The following LRFN2 variants were observed in gnomAD, a reference collection of about 807,000 sequenced individuals.
LRFN2 encodes leucine rich repeat and fibronectin type III domain containing 2.
A neutral mutation model predicts 37.3 loss-of-function variants in LRFN2; 18 were observed. The ratio of observed to expected loss-of-function variants is 0.48; its 90% CI spans 0.33 to 0.72. The LOEUF is 0.72. Ranked by LOEUF, LRFN2 falls within the 30% of genes least tolerant of loss-of-function variation. The probability of loss-of-function intolerance (pLI) is 0.02; values close to 1 mark genes in which losing one functional copy is unlikely to be tolerated. For missense variants in LRFN2, 1,006 were observed against 1,060.7 expected (o/e 0.95, Z 0.72); for synonymous variants, 556 against 466.6 (o/e 1.19, Z -2.47).
At chr6:40,469,026 T>A (rs957736655) in intron 1 of LRFN2, among the ~76,000 whole-genome samples, 1 of 152,120 alleles carries the variant, frequency 6.6e-6, no homozygotes, top group African/African-American at 2.4e-5. Context: ...AAAGGGTATT[T>A]CCAGATGTAA....
intron 1 of LRFN2, among the ~76,000 whole-genome samples, chr6:40,496,548 C>T (rs1765232813): frequency 6.6e-6 from 1 of 151,940 alleles, no homozygotes; most frequent in Middle Eastern, 3.2e-3. Context: ...ATTAGTCCTC[C>T]TGCTTGGACC....
At chr6:40,555,592 G>C (rs1766860099) in intron 1 of LRFN2, among the ~76,000 whole-genome samples, 1 of 152,132 alleles carries the variant, frequency 6.6e-6, no homozygotes, top group African/African-American at 2.4e-5. Flanking sequence ...TCCTGGAATT[G>C]TGAGATAATT....
intron 2 of LRFN2, among the ~76,000 whole-genome samples, chr6:40,430,233 TC>T (rs1288488048): frequency 6.6e-6 from 1 of 152,174 alleles, no homozygotes; most frequent in East Asian, 1.9e-4. Context: ...TAAGGGGAGT[TC>T]CCCAGCTCTG....
intron 1 of LRFN2, among the ~76,000 whole-genome samples, chr6:40,552,529 G>T (rs897597044): frequency 6.6e-6 from 1 of 152,136 alleles, no homozygotes; most frequent in African/African-American, 2.4e-5. Flanking sequence ...AGTTATGTGG[G>T]ACCTGAAAAA....
intron 1 of LRFN2, among the ~76,000 whole-genome samples, chr6:40,542,960 A>G (rs1362246369): frequency 1.3e-5 from 2 of 152,208 alleles, no homozygotes; most frequent in Non-Finnish European, 2.9e-5. Flanking sequence ...AAAGTGAACG[A>G]GTGCTAAGGA....
chr6:40,534,454 C>T (rs540831710), intron 1 of LRFN2, among the ~76,000 whole-genome samples: 96 of 152,106 alleles, frequency 6.3e-4, no homozygotes, highest in African/African-American at 1.9e-3. Context: ...ATGGAGAGTT[C>T]AAATAGTAGC....
intron 2 of LRFN2, among the ~76,000 whole-genome samples, chr6:40,403,510 G>C (rs1470651675): frequency 6.6e-6 from 1 of 152,162 alleles, no homozygotes; most frequent in Non-Finnish European, 1.5e-5. Flanking sequence ...ATGCCCTGAG[G>C]CACCCCTGCC....
chr6:40,422,210 A>C (rs1390085662), intron 2 of LRFN2, among the ~76,000 whole-genome samples: 1 of 152,186 alleles, frequency 6.6e-6, no homozygotes, highest in African/African-American at 2.4e-5. Context: ...GCAAATCTCA[A>C]AGAGATGAGT....
chr6:40,456,907 A>T (rs1044265882), intron 1 of LRFN2, among the ~76,000 whole-genome samples: 2 of 152,138 alleles, frequency 1.3e-5, no homozygotes, highest in African/African-American at 4.8e-5. Flanking sequence ...CTAGGGAAAA[A>T]TAGCATTCCC....
chr6:40,496,766 C>T (rs1442392711), intron 1 of LRFN2, among the ~76,000 whole-genome samples: 1 of 152,044 alleles, frequency 6.6e-6, no homozygotes, highest in Admixed American at 6.5e-5. Context: ...TCTGCTTCCT[C>T]CTGCTAGAAT....
intron 1 of LRFN2, among the ~76,000 whole-genome samples, chr6:40,565,831 A>G (rs1201708111): frequency 2.0e-5 from 3 of 151,734 alleles, no homozygotes; most frequent in Non-Finnish European, 4.4e-5. Context: ...ATGGGCAAGG[A>G]CTTCATGTCT....
Position 40,577,036 on chromosome 6 carries a change from TG to T in LRFN2, c.-19+9904del, listed in dbSNP as rs1305488142. Among the ~76,000 whole-genome samples, 5 of 150,552 alleles carry T rather than the reference TG, an allele frequency of 3.3e-5. No homozygotes were observed. The East Asian group carries it at 9.7e-4, about 29-fold the overall frequency. On this transcript the variant is annotated intron_variant, in intron 1 of 2. Transcript: ENST00000338305. ...CCTCCTCCAGTCTGGTTCTCCCTAC[TG>T]GAGGTCCTCATTCCCTCTTCTGGGT...
At chr6:40,506,970 G>A (rs905015756) in intron 1 of LRFN2, among the ~76,000 whole-genome samples, 11 of 152,254 alleles carry the variant, frequency 7.2e-5, no homozygotes, top group South Asian at 2.1e-4. Context: ...ACCTGTAAAG[G>A]GGAACAGTTT....
chr6:40,495,538 G>C (rs928657968), intron 1 of LRFN2, among the ~76,000 whole-genome samples: 27 of 152,072 alleles, frequency 1.8e-4, no homozygotes, highest in African/African-American at 6.5e-4. Context: ...TCTTCTCAAA[G>C]CCAAGTTTCA....
chr6:40,391,929 A>C lies in LRFN2; in HGVS notation c.*14T>G. 6.5e-7 allele frequency: 1 copy of C among 1,527,148 alleles called. No homozygotes were observed. Among genetic ancestry groups the C allele is most frequent in the Non-Finnish European group, 8.8e-7 (1 of 1,135,698 alleles). 94.6% of individuals were successfully genotyped at this position (1,527,148 alleles called of 1,614,324 possible). A position where few individuals can be genotyped will look rare whatever the true frequency, so the allele number is the denominator to read the frequency against. ...CCACCCTGCGCACAGGAAAGGGAGCATGCCCACCCCCACCTAGACCGTGCT... is the reference window on the plus strand; with the variant it reads ...CCACCCTGCGCACAGGAAAGGGAGCCTGCCCACCCCCACCTAGACCGTGCT... On this transcript the variant is annotated 3_prime_UTR_variant, in exon 3 of 3. Transcript: ENST00000338305.
chr6:40,391,797 TA>T lies in LRFN2; in HGVS notation c.*145del. On this transcript the variant is annotated 3_prime_UTR_variant, in exon 3 of 3. Coordinates refer to ENST00000338305, the MANE Select transcript of LRFN2 (RefSeq NM_020737.3). ...GGGAGGTGATGTGGGTGTTGCGGGGTAGGGGGGGACACGAGGCCATTGACAG... is the reference window on the plus strand; with the variant it reads ...GGGAGGTGATGTGGGTGTTGCGGGGTGGGGGGGACACGAGGCCATTGACAG... 2.6e-6 allele frequency: 2 copies of T among 759,904 alleles called. No homozygotes were observed. The highest frequency in any genetic ancestry group is 3.7e-5 in the Admixed American group (1 of 27,376). The allele number at this position is 759,904 out of a possible 1,614,324, so 47.1% of individuals were successfully genotyped here.
chr6:40,429,357 C>T (rs1412253389), intron 2 of LRFN2, among the ~76,000 whole-genome samples: 2 of 152,202 alleles, frequency 1.3e-5, no homozygotes, highest in East Asian at 3.9e-4. Flanking sequence ...TCTTCTCTCC[C>T]CCTCACGAAC....
chr6:40,494,467 CT>C (rs1223227849), intron 1 of LRFN2, among the ~76,000 whole-genome samples: 1 of 152,170 alleles, frequency 6.6e-6, no homozygotes, highest in Non-Finnish European at 1.5e-5. Flanking sequence ...CTTTAAAACC[CT>C]TTCATTATAT....
At chr6:40,497,624 G>A (rs985949338) in intron 1 of LRFN2, among the ~76,000 whole-genome samples, 1 of 152,158 alleles carries the variant, frequency 6.6e-6, no homozygotes, top group African/African-American at 2.4e-5. Flanking sequence ...ACTTACAATA[G>A]GAAAGGGCTC....
Sources: gnomAD v4.1 joint callset for allele counts (sites outside exome capture counted in the v4.1 genomes callset) on GRCh38, gnomAD v4.1.1 for gene constraint, MANE v1.5 for transcripts, NCBI Gene and HGNC (gene_info 2026-07-23, HGNC 2026-07-21) for gene names.